Variants in RPS6KC1 observed in about 807,000 individuals in gnomAD.
RPS6KC1 encodes ribosomal protein S6 kinase C1.
RPS6KC1 carries 54 observed loss-of-function variants against 103.8 expected under a neutral mutation model. That is an observed-to-expected ratio of 0.52 (90% CI 0.42 to 0.65). The LOEUF (loss-of-function observed/expected upper bound fraction) is 0.65. RPS6KC1 is among the 30% of genes least tolerant of loss of function. The pLI, the probability that RPS6KC1 is intolerant of heterozygous loss-of-function variation, is 0.00. For missense variants in RPS6KC1, 1,151 were observed against 1,253.8 expected (o/e 0.92, Z 1.24); for synonymous variants, 439 against 438.7 (o/e 1.00, Z -0.01).
At chr1:213,444,525 C>T in the RPS6KC1 span, among the ~76,000 whole-genome samples, 3 of 152,022 alleles carry the variant, frequency 2.0e-5, no homozygotes, top group African/African-American at 7.2e-5. Context: ...TCTTTGTTTT[C>T]GTTATGAGTA....
At chr1:213,160,035 TTTA>T (rs1330375956) in intron 6 of RPS6KC1, among the ~76,000 whole-genome samples, 1 of 152,208 alleles carries the variant, frequency 6.6e-6, no homozygotes, top group Non-Finnish European at 1.5e-5. Flanking sequence ...GTTATGCAGT[TTTA>T]TATTACTTAT....
chr1:213,710,520 G>A, the RPS6KC1 span, among the ~76,000 whole-genome samples: 22 of 152,078 alleles, frequency 1.4e-4, 1 homozygote, highest in Admixed American at 1.3e-3. Context: ...TTGCATTTAA[G>A]GTTAATATTG....
chr1:213,545,015 G>A, the RPS6KC1 span, among the ~76,000 whole-genome samples: 1 of 152,128 alleles, frequency 6.6e-6, no homozygotes, highest in African/African-American at 2.4e-5. Flanking sequence ...CAGTTTTGGA[G>A]GCTGGAACTT....
chr1:213,469,593 T>G, the RPS6KC1 span, among the ~76,000 whole-genome samples: 1 of 152,142 alleles, frequency 6.6e-6, no homozygotes, highest in African/African-American at 2.4e-5. Flanking sequence ...CCTCCTCCAA[T>G]GTCACACCCC....
the RPS6KC1 span, among the ~76,000 whole-genome samples, chr1:213,747,109 G>C: frequency 4.9e-3 from 745 of 152,222 alleles, 5 homozygotes; most frequent in Middle Eastern, 0.027. Flanking sequence ...GCACTCCTGG[G>C]AGCAGGACCC....
At chr1:213,153,462 A>G (rs1289617132) in intron 6 of RPS6KC1, among the ~76,000 whole-genome samples, 1 of 152,350 alleles carries the variant, frequency 6.6e-6, no homozygotes, top group Non-Finnish European at 1.5e-5. Flanking sequence ...CAAAAGGAAG[A>G]ATAATAAAAA....
At chr1:213,262,175 G>A (rs964523021) in intron 13 of RPS6KC1, among the ~76,000 whole-genome samples, 5 of 152,112 alleles carry the variant, frequency 3.3e-5, no homozygotes, top group African/African-American at 9.7e-5. Flanking sequence ...AAAGTATTGT[G>A]CAGATTGCCT....
the RPS6KC1 span, among the ~76,000 whole-genome samples, chr1:213,844,709 G>C: frequency 1.3e-5 from 2 of 152,084 alleles, no homozygotes; most frequent in African/African-American, 4.8e-5. Context: ...CATTTATAAG[G>C]TATCAAATTT....
chr1:213,081,827 G>A (rs925043333), intron 3 of RPS6KC1, among the ~76,000 whole-genome samples: 3 of 152,044 alleles, frequency 2.0e-5, no homozygotes, highest in African/African-American at 7.2e-5. Flanking sequence ...AATGAACTTA[G>A]GAGCAGATTC....
At chr1:213,292,134 A>T in the RPS6KC1 span, among the ~76,000 whole-genome samples, 1 of 152,128 alleles carries the variant, frequency 6.6e-6, no homozygotes, top group Non-Finnish European at 1.5e-5. Flanking sequence ...TAGCTTTAGG[A>T]GATATACCTA....
intron 3 of RPS6KC1, among the ~76,000 whole-genome samples, chr1:213,082,890 C>T (rs900918573): frequency 7.2e-5 from 11 of 152,162 alleles, no homozygotes; most frequent in African/African-American, 2.7e-4. Context: ...TAGAAAGATT[C>T]AGTCAGACCA....
chr1:213,444,986 G>C, the RPS6KC1 span, among the ~76,000 whole-genome samples: 1 of 152,094 alleles, frequency 6.6e-6, no homozygotes, highest in Non-Finnish European at 1.5e-5. Context: ...GAAACCCCAT[G>C]CCACTTAGCC....
chr1:213,449,367 C>G, the RPS6KC1 span, among the ~76,000 whole-genome samples: 1 of 152,314 alleles, frequency 6.6e-6, no homozygotes, highest in South Asian at 2.1e-4. Context: ...TCTCACAATT[C>G]TAGAGGCTAG....
intron 8 of RPS6KC1, among the ~76,000 whole-genome samples, chr1:213,195,844 G>GTA (rs1289589421): frequency 9.3e-5 from 14 of 150,868 alleles, no homozygotes; most frequent in African/African-American, 3.5e-4. Flanking sequence ...GTGTGTGTGT[G>GTA]TGTATATATA....
intron 12 of RPS6KC1, among the ~76,000 whole-genome samples, chr1:213,255,480 C>A (rs1162336661): frequency 6.6e-6 from 1 of 152,096 alleles, no homozygotes; most frequent in Non-Finnish European, 1.5e-5. Flanking sequence ...TCATTCTCTA[C>A]TTTTGATTTT....
chr1:213,114,436 TC>T (rs1354044874), intron 4 of RPS6KC1, among the ~76,000 whole-genome samples: 1 of 148,170 alleles, frequency 6.7e-6, no homozygotes, highest in African/African-American at 2.5e-5. Flanking sequence ...AAGTTGCTTA[TC>T]AGCTTAAGGA....
chr1:213,174,931 A>G (rs983609890), intron 7 of RPS6KC1, among the ~76,000 whole-genome samples: 3 of 152,168 alleles, frequency 2.0e-5, no homozygotes, highest in African/African-American at 7.2e-5. Flanking sequence ...ATCTAGTCTA[A>G]TTGTCACTAT....
chr1:213,338,415 T>C, the RPS6KC1 span, among the ~76,000 whole-genome samples: 1 of 152,214 alleles, frequency 6.6e-6, no homozygotes, highest in Non-Finnish European at 1.5e-5. Context: ...TTCTTTCTTT[T>C]TCATTCATAT....
chr1:213,527,353 G>A, the RPS6KC1 span, among the ~76,000 whole-genome samples: 19 of 152,254 alleles, frequency 1.2e-4, no homozygotes, highest in East Asian at 3.9e-4. Flanking sequence ...ATATAGAGCC[G>A]AGAGGTTTTT....
Sources: allele counts gnomAD v4.1 joint callset (sites outside exome capture counted in the v4.1 genomes callset), GRCh38; gene constraint gnomAD v4.1.1; transcripts MANE v1.5; gene names NCBI Gene and HGNC (gene_info 2026-07-23, HGNC 2026-07-21).